LRTM3: variants seen among roughly 807,000 people sequenced by gnomAD.
LRTM3 encodes the protein leucine-rich repeat transmembrane protein 3.
the LRTM3 span, chr13:102,736,185 T>C: frequency 6.5e-7 from 1 of 1,547,902 alleles, no homozygotes; most frequent in Non-Finnish European, 8.7e-7. Flanking sequence ...GGAGAGAATC[T>C]ATGGTGAGAG....
the LRTM3 span, chr13:102,736,319 T>C: frequency 3.2e-6 from 5 of 1,551,146 alleles, no homozygotes; most frequent in Non-Finnish European, 4.4e-6. Flanking sequence ...CAGAGGACTG[T>C]GCTCAGTGAT....
At chr13:102,743,302 G>A in the LRTM3 span, 3 of 1,550,312 alleles carry the variant, frequency 1.9e-6, no homozygotes, top group East Asian at 2.4e-5. Flanking sequence ...ATATTCTCAT[G>A]TCTATCTCTG....
chr13:102,755,865 CA>C, the LRTM3 span, among the ~76,000 whole-genome samples: 3 of 140,480 alleles, frequency 2.1e-5, no homozygotes, highest in African/African-American at 5.3e-5. Context: ...GTTCTTTTCC[CA>C]AAAAAAGTTT....
At chr13:102,746,421 ACT>A in the LRTM3 span, 13 of 1,550,906 alleles carry the variant, frequency 8.4e-6, no homozygotes, top group Admixed American at 1.6e-4. Flanking sequence ...GGGAGACAGA[ACT>A]CTCTCTGCAA....
the LRTM3 span, chr13:102,746,792 T>C: frequency 6.4e-7 from 1 of 1,551,308 alleles, no homozygotes. Flanking sequence ...ACTTGGAATA[T>C]AACTTTCTCT....
At chr13:102,736,268 GCT>G in the LRTM3 span, 7 of 1,550,984 alleles carry the variant, frequency 4.5e-6, no homozygotes, top group Admixed American at 2.0e-5. Context: ...CTTCTGTCCT[GCT>G]CTCTCTTTCA....
the LRTM3 span, chr13:102,744,652 A>G: frequency 6.4e-7 from 1 of 1,550,904 alleles, no homozygotes; most frequent in South Asian, 1.2e-5. Flanking sequence ...TGCAAGGGTC[A>G]GGATCTTTCA....
At chr13:102,737,148 G>A in the LRTM3 span, 5 of 1,550,996 alleles carry the variant, frequency 3.2e-6, no homozygotes, top group Non-Finnish European at 4.4e-6. Flanking sequence ...GTGCCTTCAG[G>A]TTGCATTATA....
chr13:102,755,961 ATT>A, the LRTM3 span, among the ~76,000 whole-genome samples: 1 of 53,380 alleles, frequency 1.9e-5, no homozygotes, highest in African/African-American at 5.9e-5. Context: ...ATATATATAT[ATT>A]TTTTTTTTTT....
At chr13:102,735,109 C>T in the LRTM3 span, 1 of 1,551,228 alleles carries the variant, frequency 6.4e-7, no homozygotes, top group Non-Finnish European at 8.7e-7. Context: ...TGACACCTGG[C>T]CCACTTTTAA....
At chr13:102,752,343 C>T in the LRTM3 span, among the ~76,000 whole-genome samples, 7 of 152,146 alleles carry the variant, frequency 4.6e-5, no homozygotes, top group Non-Finnish European at 1.0e-4. Context: ...TATTATCCAC[C>T]TCGTTCAGCA....
At chr13:102,748,706 C>A in the LRTM3 span, 1 of 1,549,692 alleles carries the variant, frequency 6.5e-7, no homozygotes, top group South Asian at 1.2e-5. Flanking sequence ...AATACCAATT[C>A]CCTTTGCTTG....
the LRTM3 span, chr13:102,746,407 C>T: frequency 8.0e-5 from 124 of 1,550,990 alleles, no homozygotes; most frequent in African/African-American, 1.2e-4. Context: ...TTAATTGAGA[C>T]GCAGGGAGAC....
the LRTM3 span, chr13:102,733,387 T>C: frequency 6.4e-7 from 1 of 1,551,330 alleles, no homozygotes; most frequent in Admixed American, 2.0e-5. Flanking sequence ...GTTCTGGAGA[T>C]ACTTTCGATG....
At chr13:102,738,036 C>A in the LRTM3 span, 172,986 of 1,550,748 alleles carry the variant, frequency 0.11, 10,519 homozygotes, top group South Asian at 0.17. Flanking sequence ...TCTTGTCCTG[C>A]ACCTCTTCTG....
chr13:102,751,682 TGTAA>T, the LRTM3 span, among the ~76,000 whole-genome samples: 2 of 152,208 alleles, frequency 1.3e-5, no homozygotes, highest in Non-Finnish European at 2.9e-5. Context: ...CTTACTTTAC[TGTAA>T]GTGTGACTTT....
At chr13:102,733,218 C>T in the LRTM3 span, 3 of 1,551,200 alleles carry the variant, frequency 1.9e-6, no homozygotes, top group Middle Eastern at 1.7e-4. Flanking sequence ...ATATCTTGTT[C>T]TTCTATATTT....
At chr13:102,738,189 G>A in the LRTM3 span, 1 of 1,550,792 alleles carries the variant, frequency 6.4e-7, no homozygotes, top group Non-Finnish European at 8.7e-7. Context: ...TCTTCTGGAT[G>A]CATTATGTCT....
chr13:102,749,208 TG>T, the LRTM3 span: 4 of 1,550,512 alleles, frequency 2.6e-6, no homozygotes, highest in Non-Finnish European at 3.5e-6. Context: ...GGTGTTTTTT[TG>T]GCTTTTAGAG....
Sources: gnomAD v4.1 joint callset for allele counts (sites outside exome capture counted in the v4.1 genomes callset) on GRCh38, gnomAD v4.1.1 for gene constraint, MANE v1.5 for transcripts, NCBI Gene and HGNC (gene_info 2026-07-23, HGNC 2026-07-21) for gene names.